The following NCAM1 variants were observed in gnomAD, a reference collection of about 807,000 sequenced individuals.
NCAM1 encodes antigen recognized by monoclonal antibody 5.1H11.
NCAM1 carries 14 observed loss-of-function variants against 109.8 expected under a neutral mutation model. The ratio of observed to expected loss-of-function variants is 0.13; its 90% confidence interval spans 0.08 to 0.20. The LOEUF (loss-of-function observed/expected upper bound fraction) is 0.20. Among genes scored for constraint, NCAM1 ranks in the 10% least tolerant of loss-of-function variants. NCAM1 has a pLI of 1.00. For missense variants in NCAM1, 774 were observed against 1,109.9 expected (o/e 0.70, Z 4.30); for synonymous variants, 418 against 442.9 (o/e 0.94, Z 0.70).
intron 1 of NCAM1, among the ~76,000 whole-genome samples, chr11:112,978,164 A>C (rs533109538): frequency 1.6e-4 from 25 of 151,872 alleles, no homozygotes; most frequent in African/African-American, 6.0e-4. Flanking sequence ...TATGTATCCG[A>C]AAAGAGGTAG....
intron 17 of NCAM1, chr11:113,263,574 C>T (rs1055822923): frequency 1.0e-6 from 1 of 985,540 alleles, no homozygotes; most frequent in Admixed American, 6.1e-5. Context: ...TGCTTTCAGT[C>T]CTCGTATTAC....
intron 8 of NCAM1, among the ~76,000 whole-genome samples, chr11:113,216,002 C>T (rs1238166457): frequency 6.6e-6 from 1 of 152,178 alleles, no homozygotes; most frequent in Non-Finnish European, 1.5e-5. Flanking sequence ...GAAATAATAT[C>T]TATCTCAGAT....
At chr11:113,200,864 T>G (rs1176799446) in intron 1 of NCAM1, among the ~76,000 whole-genome samples, 1 of 152,142 alleles carries the variant, frequency 6.6e-6, no homozygotes, top group Non-Finnish European at 1.5e-5. Context: ...CAGGCAAGAA[T>G]TCAGTCCTGA....
intron 19 of NCAM1, 68 bp from the exon 20 acceptor site, chr11:113,275,199 C>T: frequency 1.3e-6 from 2 of 1,593,338 alleles, no homozygotes; most frequent in Admixed American, 3.5e-5. Context: ...GTCCCCAAGG[C>T]CTGGATGCAG....
chr11:113,050,563 G>A (rs1353375367), intron 1 of NCAM1, among the ~76,000 whole-genome samples: 3 of 152,032 alleles, frequency 2.0e-5, no homozygotes, highest in African/African-American at 7.3e-5. Flanking sequence ...CCAGTACCAT[G>A]CTGTTTTGGT....
chr11:113,056,138 G>A (rs1953705674), intron 1 of NCAM1, among the ~76,000 whole-genome samples: 1 of 150,554 alleles, frequency 6.6e-6, no homozygotes. Flanking sequence ...TTTATGTTAA[G>A]TGAAATAAGC....
chr11:113,111,907 CAA>C (rs1452299880), intron 1 of NCAM1, among the ~76,000 whole-genome samples: 4 of 152,118 alleles, frequency 2.6e-5, no homozygotes, highest in Non-Finnish European at 5.9e-5. Context: ...ATTCATTATT[CAA>C]ATTAGCTGTT....
In NCAM1 at chr11:113,242,655, G is replaced by A. The variant is rs1945366264; in HGVS notation, c.1826-3713G>A. 5 of 658,584 alleles carry A rather than the reference G, an allele frequency of 7.6e-6. No homozygotes were observed. In the Admixed American group the frequency reaches 1.2e-4, roughly 16 times the overall value. The allele number at this position is 658,584 out of a possible 1,614,324, so 40.8% of individuals were successfully genotyped here. A position where few individuals can be genotyped will look rare whatever the true frequency, so the allele number is the denominator to read the frequency against. ...TATTAATATTGATAGAGAAGAGAGA[G>A]AATACCTCCTTCACCATCTTTATAA... is the stretch of plus-strand genomic sequence containing the variant. On this transcript the variant is annotated intron_variant, in intron 14 of 19. Coordinates refer to ENST00000316851, the MANE Select transcript of NCAM1 (RefSeq NM_181351.5).
intron 9 of NCAM1, among the ~76,000 whole-genome samples, chr11:113,226,923 T>C (rs1294283688): frequency 1.8e-4 from 28 of 152,154 alleles, no homozygotes; most frequent in Admixed American, 1.8e-3. Flanking sequence ...TGGGAGACAT[T>C]TAAAGCAGTG....
At chr11:113,245,841 T>G (rs1555120087) in intron 14 of NCAM1, among the ~76,000 whole-genome samples, 1 of 152,250 alleles carries the variant, frequency 6.6e-6, no homozygotes, top group East Asian at 1.9e-4. Context: ...TCTCGGGACT[T>G]TTCCTTGATG....
At chr11:113,270,835 A>G (rs929095360) in intron 18 of NCAM1, among the ~76,000 whole-genome samples, 2 of 152,188 alleles carry the variant, frequency 1.3e-5, no homozygotes, top group East Asian at 1.9e-4. Flanking sequence ...TCCCAGGCAC[A>G]TAGGTACAAC....
chr11:112,966,365 AGCAAT>A (rs1179711840), intron 1 of NCAM1, among the ~76,000 whole-genome samples: 2 of 152,236 alleles, frequency 1.3e-5, no homozygotes, highest in African/African-American at 4.8e-5. Flanking sequence ...AGTGACTCTG[AGCAAT>A]GCTGTAAGAG....
intron 1 of NCAM1, among the ~76,000 whole-genome samples, chr11:112,967,025 G>A (rs782812555): frequency 2.0e-5 from 3 of 152,268 alleles, no homozygotes; most frequent in South Asian, 2.1e-4. Context: ...CCATATATAC[G>A]TAACACTTTC....
chr11:112,992,656 A>G (rs1269152865), intron 1 of NCAM1, among the ~76,000 whole-genome samples: 1 of 151,838 alleles, frequency 6.6e-6, no homozygotes, highest in African/African-American at 2.4e-5. Flanking sequence ...GCCCGCCACC[A>G]TGCCCGGCTA....
chr11:113,133,893 G>GCC (rs1941500949), intron 1 of NCAM1: 1 of 151,782 alleles, frequency 6.6e-6, no homozygotes, highest in African/African-American at 2.4e-5. Context: ...GGCCATTTAG[G>GCC]TTCTTTGCCA....
intron 8 of NCAM1, among the ~76,000 whole-genome samples, chr11:113,217,762 TA>T (rs566478165): frequency 2.0e-4 from 30 of 152,352 alleles, no homozygotes; most frequent in African/African-American, 6.3e-4. Flanking sequence ...TTATTTATGT[TA>T]AAAATTGCAT....
At chr11:113,244,780 G>T (rs1555119839) in intron 14 of NCAM1, among the ~76,000 whole-genome samples, 2 of 152,028 alleles carry the variant, frequency 1.3e-5, no homozygotes, top group African/African-American at 4.8e-5. Flanking sequence ...AGGCCCCTTT[G>T]GTAGGAAGGT....
intron 8 of NCAM1, among the ~76,000 whole-genome samples, chr11:113,215,941 A>AT (rs1472868840): frequency 2.5e-4 from 38 of 152,346 alleles, no homozygotes; most frequent in African/African-American, 9.1e-4. Context: ...TTAAAAGTAG[A>AT]TTTTTGTCCA....
chr11:113,050,198 T>A (rs1488558629), intron 1 of NCAM1, among the ~76,000 whole-genome samples: 5 of 152,092 alleles, frequency 3.3e-5, no homozygotes, highest in African/African-American at 1.2e-4. Flanking sequence ...GAGTTTATAT[T>A]CGGCTGGATA....
Sources: allele counts gnomAD v4.1 joint callset (sites outside exome capture counted in the v4.1 genomes callset), GRCh38; gene constraint gnomAD v4.1.1; transcripts MANE v1.5; gene names NCBI Gene and HGNC (gene_info 2026-07-23, HGNC 2026-07-21).